Variants in TMEM135 observed in about 807,000 individuals in gnomAD.
TMEM135 encodes peroxisomal membrane protein 52.
In TMEM135, 30 loss-of-function variants were observed where a neutral mutation model predicts 60.3. The ratio of observed to expected loss-of-function variants is 0.50; its 90% CI spans 0.37 to 0.68. The LOEUF (loss-of-function observed/expected upper bound fraction) is 0.68, where lower values mean the gene tolerates loss of function less well. Among genes scored for constraint, TMEM135 ranks in the 30% least tolerant of loss-of-function variants. TMEM135 has a pLI of 0.00. For missense variants in TMEM135, 468 were observed against 548.8 expected, an observed-to-expected ratio of 0.85 and a Z score of 1.47; for synonymous variants, 190 against 186.7, an observed-to-expected ratio of 1.02 and a Z score of -0.14.
intron 4 of TMEM135, among the ~76,000 whole-genome samples, chr11:87,146,971 C>T (rs1448341379): frequency 2.0e-5 from 3 of 151,892 alleles, no homozygotes; most frequent in African/African-American, 4.8e-5. Context: ...GTTAAATTGA[C>T]CCACTGAAAT....
At chr11:87,320,528 T>C (rs1222615326) in intron 14 of TMEM135, among the ~76,000 whole-genome samples, 1 of 152,216 alleles carries the variant, frequency 6.6e-6, no homozygotes, top group East Asian at 1.9e-4. Context: ...TTCATTCAGC[T>C]GTTTTCTCCA....
chr11:87,098,984 A>G (rs1020902742), intron 4 of TMEM135, among the ~76,000 whole-genome samples: 1 of 152,132 alleles, frequency 6.6e-6, no homozygotes, highest in African/African-American at 2.4e-5. Context: ...CACCGTGCCC[A>G]GCCAAATATC....
intron 6 of TMEM135, among the ~76,000 whole-genome samples, chr11:87,288,964 G>A (rs1327279591): frequency 6.6e-6 from 1 of 152,254 alleles, no homozygotes; most frequent in Middle Eastern, 3.4e-3. Flanking sequence ...ATCTTGGGGG[G>A]TGAGGAGGAA....
intron 6 of TMEM135, chr11:87,259,122 A>G: frequency 3.8e-6 from 3 of 783,242 alleles, no homozygotes; most frequent in South Asian, 2.8e-5. Flanking sequence ...AAACATCTCC[A>G]TCAGGCCCCA....
intron 2 of TMEM135, among the ~76,000 whole-genome samples, chr11:87,070,769 A>G (rs1459126889): frequency 6.6e-6 from 1 of 152,246 alleles, no homozygotes; most frequent in African/African-American, 2.4e-5. Flanking sequence ...ATGAAAAATG[A>G]TGTACACATA....
intron 4 of TMEM135, among the ~76,000 whole-genome samples, chr11:87,114,455 C>T (rs181386810): frequency 2.0e-5 from 3 of 152,052 alleles, no homozygotes; most frequent in Admixed American, 6.6e-5. Context: ...TAAAAAACAA[C>T]AAGCTGTATA....
chr11:87,239,200 G>A (rs1337340968), intron 6 of TMEM135, among the ~76,000 whole-genome samples: 2 of 151,980 alleles, frequency 1.3e-5, no homozygotes, highest in Non-Finnish European at 2.9e-5. Context: ...TTTCCAGAAG[G>A]CTCAATACAA....
chr11:87,282,257 A>AT lies in TMEM135; in HGVS notation c.510-13514dup, dbSNP rs67470297. On this transcript the variant is annotated intron_variant, in intron 6 of 14. Coordinates refer to ENST00000305494, the MANE Select transcript of TMEM135 (RefSeq NM_022918.4). ...GAAGTGAGCAACTGGACATTGGTTC[A>AT]TTTTTTTTTTTGCCTTTTCTTTTTG... Among the ~76,000 whole-genome samples the AT allele has an allele frequency of 3.8e-4, 56 of 148,516 alleles. 1 individual carries two copies. The East Asian group carries it at 5.0e-3, about 13-fold the overall frequency.
intron 5 of TMEM135, among the ~76,000 whole-genome samples, chr11:87,198,081 C>T (rs915702411): frequency 6.6e-6 from 1 of 152,058 alleles, no homozygotes; most frequent in Non-Finnish European, 1.5e-5. Flanking sequence ...GTGTTGGTGT[C>T]ATTTCAAGCC....
rs779626425 is a variant in TMEM135 at position 87,321,217 on chromosome 11, C to A, written c.1261C>A (p.Arg421=). The part of the protein sequence containing the change: ...LTKGKFAVMN[R]KVLDVFGTGA... ...GTTTTACAGATTTGCTGTCATGAAC[C>A]GAAAAGTCCTTGATGTTTTTGGTAC... The change falls in exon 15 of 15, where the codon CGA becomes AGA. Residue 421 remains arginine (R), a synonymous_variant. Transcript: ENST00000305494. 3 of 1,613,052 alleles carry A rather than the reference C, an allele frequency of 1.9e-6. No individual in the cohort carries two copies. Among genetic ancestry groups the A allele is most frequent in the South Asian group, 1.1e-5 (1 of 91,056 alleles).
At chr11:87,043,881 C>T (rs1303575458) in intron 1 of TMEM135, among the ~76,000 whole-genome samples, 1 of 151,982 alleles carries the variant, frequency 6.6e-6, no homozygotes, top group East Asian at 1.9e-4. Context: ...AGGTACCTTC[C>T]CTAAGAAGGA....
intron 4 of TMEM135, among the ~76,000 whole-genome samples, chr11:87,153,528 T>A (rs1938612891): frequency 6.6e-6 from 1 of 152,238 alleles, no homozygotes; most frequent in Non-Finnish European, 1.5e-5. Flanking sequence ...ATTCAAATTA[T>A]CTTCTCCTAA....
chr11:87,313,593 C>G, intron 11 of TMEM135, 105 bp downstream of exon 11: 2 of 1,017,810 alleles, frequency 2.0e-6, no homozygotes, highest in Non-Finnish European at 1.5e-6. Context: ...CTTCCTTTCT[C>G]TATCGTAATA....
intron 4 of TMEM135, chr11:87,095,038 TC>T: frequency 5.3e-6 from 1 of 189,450 alleles, no homozygotes; most frequent in Non-Finnish European, 1.1e-5. Context: ...TCAATGGGTT[TC>T]CATCAGTTAG....
At chr11:87,094,704 C>T (rs1446935198) in intron 4 of TMEM135, 2 of 199,020 alleles carry the variant, frequency 1.0e-5, no homozygotes, top group Non-Finnish European at 2.2e-5. Flanking sequence ...CTTGATTCAT[C>T]TTGTGTCTTT....
chr11:87,256,109 G>C (rs1373985581), intron 6 of TMEM135, among the ~76,000 whole-genome samples: 2 of 152,104 alleles, frequency 1.3e-5, no homozygotes, highest in African/African-American at 4.8e-5. Context: ...ACCTTTTAAT[G>C]GATGTCTTTT....
chr11:87,086,964 C>T (rs1591008342), intron 3 of TMEM135, among the ~76,000 whole-genome samples: 1 of 152,200 alleles, frequency 6.6e-6, no homozygotes, highest in Non-Finnish European at 1.5e-5. Flanking sequence ...GGACGATGAC[C>T]AGTCTTAACT....
At chr11:87,104,417 G>T (rs1857542331) in intron 4 of TMEM135, among the ~76,000 whole-genome samples, 1 of 151,944 alleles carries the variant, frequency 6.6e-6, no homozygotes, top group Non-Finnish European at 1.5e-5. Flanking sequence ...GGCTGTTTGG[G>T]GTCTTTTGTG....
intron 7 of TMEM135, among the ~76,000 whole-genome samples, chr11:87,299,438 T>C (rs1425910356): frequency 6.6e-6 from 1 of 152,126 alleles, no homozygotes; most frequent in Non-Finnish European, 1.5e-5. Context: ...GACCCCATGA[T>C]CCAATCACCC....
Sources: gnomAD v4.1 joint callset for allele counts (sites outside exome capture counted in the v4.1 genomes callset) on GRCh38, gnomAD v4.1.1 for gene constraint, MANE v1.5 for transcripts, NCBI Gene and HGNC (gene_info 2026-07-23, HGNC 2026-07-21) for gene names.